Variants in PKDCC observed in about 807,000 individuals in gnomAD.
PKDCC encodes protein kinase domain containing, cytoplasmic.
In PKDCC, 35 loss-of-function variants were observed where a neutral mutation model predicts 44.7. The ratio of observed to expected loss-of-function variants is 0.78; its 90% CI spans 0.60 to 1.04. PKDCC has a LOEUF of 1.04. Ranked by LOEUF, PKDCC falls within the 50% of genes least tolerant of loss-of-function variation. The pLI is 0.00. For missense variants in PKDCC, 738 were observed against 672.7 expected (o/e 1.10, Z -1.07); for synonymous variants, 353 against 303.3 (o/e 1.16, Z -1.70).
Position 42,048,278 on chromosome 2 carries a change from G to T in PKDCC, c.79G>T (p.Ala27Ser), listed in dbSNP as rs1252070385. ...LLGSVLNVLF[A>S]PGSEPPRPGQ... ...GGGCTCCGTCCTCAACGTGCTCTTCGCTCCGGGCTCGGAGCCTCCGAGGCC... is the reference window on the plus strand; with the variant it reads ...GGGCTCCGTCCTCAACGTGCTCTTCTCTCCGGGCTCGGAGCCTCCGAGGCC... Residue 27 changes from alanine to serine, a missense_variant, in exon 1 of 7, where the codon GCT (alanine) becomes TCT (serine). By Grantham distance (99) the Ala-to-Ser change is moderately conservative. Transcript: ENST00000294964. The surrounding 1 kb of genome is among the most constrained non-coding windows in gnomAD (Gnocchi z 6.2). The T allele has an allele frequency of 1.4e-5, 18 of 1,275,458 alleles. No individual in the cohort carries two copies. Among genetic ancestry groups the T allele is most frequent in the Non-Finnish European group, 1.8e-5 (18 of 1,004,680 alleles). The allele number at this position is 1,275,458 out of a possible 1,614,324, so 79.0% of individuals were successfully genotyped here.
rs1207795952 is a variant in PKDCC, at chr2:42,054,300, G to T, written c.1027G>T (p.Ala343Ser). ...GAACGAGAAGCGGAACCTCTATAAT[G>T]CCTACAGGTGACCTCCACCCCTGAC... ...GMNEKRNLYN[A>S]YRFFFTYLLP... is the part of the protein sequence containing the mutation. The change falls in exon 3 of 7, where the codon GCC becomes TCC. Residue 343 changes from alanine (A) to serine (S), a missense_variant. Coordinates refer to ENST00000294964, the MANE Select transcript of PKDCC (RefSeq NM_138370.3). This position sits in a 1 kb window ranked among gnomAD's most constrained non-coding sequence, Gnocchi z 6.1. The T allele has an allele frequency of 6.3e-7, 1 of 1,599,096 alleles. No homozygotes were observed. Among genetic ancestry groups the T allele is most frequent in the East Asian group, 2.3e-5 (1 of 44,418 alleles).
intron 1 of PKDCC, 58 bp from the exon 2 acceptor site, chr2:42,053,181 C>T: frequency 7.8e-7 from 1 of 1,284,772 alleles, no homozygotes; most frequent in Non-Finnish European, 1.1e-6. Context: ...ACAGTCCAGC[C>T]CTTCCCTGTC....
rs1427972419 is a variant in PKDCC at position 42,048,838 on chromosome 2, G to T, written c.639G>T (p.Gln213His). 6.9e-7 allele frequency: 1 copy of T among 1,458,702 alleles called. No individual in the cohort carries two copies. Among genetic ancestry groups the T allele is most frequent in the South Asian group, 1.4e-5 (1 of 70,750 alleles). 90.4% of individuals were successfully genotyped at this position (1,458,702 alleles called of 1,614,324 possible). Residue 213 changes from glutamine to histidine, a missense_variant and splice_region_variant, in exon 1 of 7, where the codon CAG (glutamine) becomes CAT (histidine). Gln to His is a conservative substitution (Grantham distance 24). Transcript: ENST00000294964. This position sits in a 1 kb window ranked among gnomAD's most constrained non-coding sequence, Gnocchi z 6.2. ...GGCTGCGGCACCCCAACGTGCTGCA[G>T]GTACGAGGGTGGGGACGCGGGGGTA... ...LERLRHPNVL[Q>H]LYGYCYQDSE... is the part of the protein sequence containing the mutation.
chr2:42,048,767 C>T lies in PKDCC; in HGVS notation c.568C>T (p.Arg190Trp). The change falls in exon 1 of 7, where the codon CGG (arginine) becomes TGG (tryptophan). Residue 190 changes from arginine (R) to tryptophan (W), a missense_variant. Transcript: ENST00000294964. The surrounding 1 kb of genome is among the most constrained non-coding windows in gnomAD (Gnocchi z 6.2). ...REFGVRRGCYRLAAHKLLKEM... is the reference protein window; with the variant it reads ...REFGVRRGCYWLAAHKLLKEM... ...GTTCGGGGTACGGAGGGGCTGCTAT[C>T]GGCTGGCGGCCCACAAGCTGCTTAA... 6.4e-7 allele frequency: 1 copy of T among 1,559,198 alleles called. No homozygotes were observed. The highest frequency in any genetic ancestry group is 8.7e-7 in the Non-Finnish European group (1 of 1,153,900).
At position 42,048,341 on chromosome 2, in the gene PKDCC, G is replaced by A; in HGVS notation, c.142G>A (p.Gly48Ser). ...SPEPSPAPGP[G>S]RRGGRGELAR... The stretch of plus-strand genomic sequence containing the variant: ...TGAGCCTTCGCCGGCCCCGGGTCCG[G>A]GCCGTCGCGGGGGCCGCGGGGAGCT... The change falls in exon 1 of 7, where the codon GGC (glycine) becomes AGC (serine). Residue 48 changes from glycine to serine, a missense_variant. Coordinates refer to ENST00000294964, the MANE Select transcript of PKDCC (RefSeq NM_138370.3). The surrounding 1 kb of genome is among the most constrained non-coding windows in gnomAD (Gnocchi z 6.2). The A allele has an allele frequency of 8.5e-7, 1 of 1,174,532 alleles. No individual in the cohort carries two copies. Among genetic ancestry groups the A allele is most frequent in the Non-Finnish European group, 1.1e-6 (1 of 951,158 alleles). The allele number at this position is 1,174,532 out of a possible 1,614,324, so 72.8% of individuals were successfully genotyped here.
At position 42,048,391 on chromosome 2, in the gene PKDCC, C is replaced by T; in HGVS notation, c.192C>T (p.Tyr64=). ...GELARQIRAR[Y]EEVQRYSRGG... ...TGGCCCGGCAGATCCGGGCGCGCTA[C>T]GAGGAGGTGCAGCGCTATTCCCGCG... is the stretch of plus-strand genomic sequence containing the variant. The change falls in exon 1 of 7, where the codon TAC becomes TAT. Residue 64 remains tyrosine, a synonymous_variant. Transcript: ENST00000294964. The surrounding 1 kb of genome is among the most constrained non-coding windows in gnomAD (Gnocchi z 6.2). 8.7e-7 allele frequency: 1 copy of T among 1,152,396 alleles called. No individual in the cohort carries two copies. 71.4% of individuals were successfully genotyped at this position (1,152,396 alleles called of 1,614,324 possible). A position where few individuals can be genotyped will look rare whatever the true frequency, so the allele number is the denominator to read the frequency against.
At chr2:42,053,190 T>TGG in intron 1 of PKDCC, 49 bp from the exon 2 acceptor site, 40 of 1,199,886 alleles carry the variant, frequency 3.3e-5, no homozygotes, top group Non-Finnish European at 4.1e-5. Flanking sequence ...CCCTTCCCTG[T>TGG]CCCCACCCCC....
chr2:42,057,918 G>T lies in PKDCC; in HGVS notation c.*230G>T, dbSNP rs530404451. 1 of 559,530 alleles carries T rather than the reference G, an allele frequency of 1.8e-6. No homozygotes were observed. The highest frequency in any genetic ancestry group is 3.2e-6 in the Non-Finnish European group (1 of 312,762). 34.7% of individuals were successfully genotyped at this position (559,530 alleles called of 1,614,324 possible). A position where few individuals can be genotyped will look rare whatever the true frequency, so the allele number is the denominator to read the frequency against. On this transcript the variant is annotated 3_prime_UTR_variant, in exon 7 of 7. Transcript: ENST00000294964. ...TGCTGGCTCCTAGTCCAGGAATCATGGGGGTATGACTGCCTCTCCAACCCT... is the reference window on the plus strand; with the variant it reads ...TGCTGGCTCCTAGTCCAGGAATCATTGGGGTATGACTGCCTCTCCAACCCT...
At chr2:42,057,510 T>C in intron 6 of PKDCC, 93 bp from the exon 7 acceptor site, 1 of 1,553,206 alleles carries the variant, frequency 6.4e-7, no homozygotes, top group South Asian at 1.1e-5. Flanking sequence ...GAGAGAGGTA[T>C]ACGTGTCTTC....
chr2:42,048,813 G>T lies in PKDCC; in HGVS notation c.614G>T (p.Arg205Leu). 1 of 1,474,090 alleles carries T rather than the reference G, an allele frequency of 6.8e-7. No individual in the cohort carries two copies. The allele number at this position is 1,474,090 out of a possible 1,614,324, so 91.3% of individuals were successfully genotyped here. A position where few individuals can be genotyped will look rare whatever the true frequency, so the allele number is the denominator to read the frequency against. The change falls in exon 1 of 7, where the codon CGG (arginine) becomes CTG (leucine). Residue 205 changes from arginine to leucine, a missense_variant. Physicochemically the swap from Arg to Leu is moderately radical, Grantham distance 102. Transcript: ENST00000294964. The surrounding 1 kb of genome is among the most constrained non-coding windows in gnomAD (Gnocchi z 6.2). ...CTTAAGGAGATGGTGCTGCTGGAGC[G>T]GCTGCGGCACCCCAACGTGCTGCAG... ...KLLKEMVLLE[R>L]LRHPNVLQLY...
At position 42,048,847 on chromosome 2, in the gene PKDCC, G is replaced by T; in HGVS notation, c.639+9G>T. On this transcript the variant is annotated intron_variant, in intron 1 of 6. Transcript: ENST00000294964. This position sits in a 1 kb window ranked among gnomAD's most constrained non-coding sequence, Gnocchi z 6.2. ...ACCCCAACGTGCTGCAGGTACGAGG[G>T]TGGGGACGCGGGGGTAACGGTGTTG... 1 of 1,455,764 alleles carries T rather than the reference G, an allele frequency of 6.9e-7. No homozygotes were observed. Among genetic ancestry groups the T allele is most frequent in the Admixed American group, 2.1e-5 (1 of 47,120 alleles). The allele number at this position is 1,455,764 out of a possible 1,614,324, so 90.2% of individuals were successfully genotyped here.
chr2:42,053,480 G>A, intron 2 of PKDCC, 119 bp downstream of exon 2: 1 of 1,381,720 alleles, frequency 7.2e-7, no homozygotes, highest in East Asian at 2.4e-5. Flanking sequence ...AGGGGAGGAA[G>A]GCGCACAGGC....
chr2:42,048,640 C>A lies in PKDCC; in HGVS notation c.441C>A (p.Gly147=), dbSNP rs1344564954. Residue 147 remains glycine, a synonymous_variant, in exon 1 of 7, where the codon GGC becomes GGA. Coordinates refer to ENST00000294964, the MANE Select transcript of PKDCC (RefSeq NM_138370.3). The surrounding 1 kb of genome is among the most constrained non-coding windows in gnomAD (Gnocchi z 6.2). ...CCGGCGCGCAGTACATGGGCTCAGG[C>A]TACACCAAGGCCGTGTACCGGGTCC... ...NVSGAQYMGS[G]YTKAVYRVRL... is the part of the protein sequence containing the mutation. 1.9e-6 allele frequency: 3 copies of A among 1,543,722 alleles called. No individual in the cohort carries two copies. The highest frequency in any genetic ancestry group is 2.4e-5 in the East Asian group (1 of 40,836).
In PKDCC at chr2:42,054,340, G is replaced by T; in HGVS notation, c.1034+33G>T. On this transcript the variant is annotated intron_variant, in intron 3 of 6. Transcript: ENST00000294964. This position sits in a 1 kb window ranked among gnomAD's most constrained non-coding sequence, Gnocchi z 6.1. ...CCACCCCTGACTCGGGAACTCCATC[G>T]AAGGAGAATGGGCCAGGAGGGCATG... 6.4e-7 allele frequency: 1 copy of T among 1,569,424 alleles called. No homozygotes were observed. The highest frequency in any genetic ancestry group is 8.7e-7 in the Non-Finnish European group (1 of 1,154,746).
chr2:42,054,202 C>A lies in PKDCC; in HGVS notation c.929C>A (p.Thr310Asn). 1 of 1,606,618 alleles carries A rather than the reference C, an allele frequency of 6.2e-7. No individual in the cohort carries two copies. The highest frequency in any genetic ancestry group is 8.5e-7 in the Non-Finnish European group (1 of 1,176,400). The change falls in exon 3 of 7, where the codon ACC becomes AAC. Residue 310 changes from threonine to asparagine, a missense_variant. Transcript: ENST00000294964. This position sits in a 1 kb window ranked among gnomAD's most constrained non-coding sequence, Gnocchi z 6.1. ...GAGGAGACGCCGTGTGCAGGCAGCACCGACTGCATACTCGAGTTTCCGGCC... is the reference window on the plus strand; with the variant it reads ...GAGGAGACGCCGTGTGCAGGCAGCAACGACTGCATACTCGAGTTTCCGGCC... ...RVEETPCAGS[T>N]DCILEFPARN...
intron 1 of PKDCC, among the ~76,000 whole-genome samples, chr2:42,050,338 G>A (rs1456180357): frequency 6.6e-6 from 1 of 152,132 alleles, no homozygotes; most frequent in Non-Finnish European, 1.5e-5. Context: ...GAAACTCTAG[G>A]GTGTCAGCCA....
At chr2:42,056,876 C>A (rs1238571006) in intron 5 of PKDCC, among the ~76,000 whole-genome samples, 1 of 152,224 alleles carries the variant, frequency 6.6e-6, no homozygotes, top group Admixed American at 6.5e-5. Flanking sequence ...TCTAAAATGT[C>A]CTGGCCTCAG....
rs1405751414 is a variant in PKDCC, at chr2:42,055,688, AC to A, written c.1222+299del. ...CTGGCTATATGACTTTGAGCAAGTT[AC>A]CCCTTGAACCTCACTTTCCTCATCT... On this transcript the variant is annotated intron_variant, in intron 5 of 6. Transcript: ENST00000294964. This position sits in a 1 kb window ranked among gnomAD's most constrained non-coding sequence, Gnocchi z 4.5. 13 of 326,148 alleles carry A rather than the reference AC, an allele frequency of 4.0e-5. 1 individual carries two copies. Among genetic ancestry groups the A allele is most frequent in the Non-Finnish European group, 7.3e-5 (13 of 177,374 alleles). 20.2% of individuals were successfully genotyped at this position (326,148 alleles called of 1,614,324 possible). A position where few individuals can be genotyped will look rare whatever the true frequency, so the allele number is the denominator to read the frequency against.
chr2:42,050,434 C>G (rs1157838261), intron 1 of PKDCC, among the ~76,000 whole-genome samples: 1 of 152,138 alleles, frequency 6.6e-6, no homozygotes, highest in Non-Finnish European at 1.5e-5. Context: ...TCCCTTCAGA[C>G]GGGTTTGATG....
Sources: gnomAD v4.1 joint callset for allele counts (sites outside exome capture counted in the v4.1 genomes callset) on GRCh38, gnomAD v4.1.1 for gene constraint, Gnocchi (gnomAD v3.1) non-coding constraint, MANE v1.5 for transcripts, NCBI Gene and HGNC (gene_info 2026-07-23, HGNC 2026-07-21) for gene names.